Variants in MARK4 observed in about 807,000 individuals in gnomAD.
MARK4 encodes microtubule affinity regulating kinase 4.
MARK4 carries 19 observed loss-of-function variants against 81.5 expected under a neutral mutation model. The ratio of observed to expected loss-of-function variants is 0.23; its 90% confidence interval spans 0.16 to 0.34. The LOEUF is 0.34. MARK4 is among the 10% of genes least tolerant of loss of function. The pLI is 1.00. For missense variants in MARK4, 772 were observed against 1,058.8 expected (o/e 0.73, Z 3.76); for synonymous variants, 436 against 439.0 (o/e 0.99, Z 0.08).
At chr19:45,266,305 C>T in intron 7 of MARK4, 24 bp downstream of exon 7, 1 of 1,612,742 alleles carries the variant, frequency 6.2e-7, no homozygotes, top group Non-Finnish European at 8.5e-7. Flanking sequence ...CCGCTGTGAT[C>T]TCAGGGACCA....
chr19:45,290,285 C>A (rs1388229407), intron 13 of MARK4, among the ~76,000 whole-genome samples: 1 of 152,250 alleles, frequency 6.6e-6, no homozygotes, highest in East Asian at 1.9e-4. Flanking sequence ...AGGGGTGTTT[C>A]TCCAGAGGTC....
rs76754165 is a variant in MARK4, at chr19:45,258,982, C to T, written c.52-7C>T. ...TGGATAGCTCATGCTCCATCTCCCC[C>T]GCCCAGCATGGCACCTTGGGCAGTG... On this transcript the variant is annotated splice_polypyrimidine_tract_variant and splice_region_variant and intron_variant, in intron 1 of 16. Transcript: ENST00000262891. 66 of 1,611,162 alleles carry T rather than the reference C, an allele frequency of 4.1e-5. No individual in the cohort carries two copies. The highest frequency in any genetic ancestry group is 1.0e-4 in the Admixed American group (6 of 59,954).
At chr19:45,273,906 A>G (rs940513848) in intron 8 of MARK4, among the ~76,000 whole-genome samples, 3 of 152,138 alleles carry the variant, frequency 2.0e-5, no homozygotes, top group Non-Finnish European at 4.4e-5. Context: ...CAAATAGCCA[A>G]CCCCTCTAAG....
chr19:45,280,785 G>T, intron 12 of MARK4, 51 bp downstream of exon 12: 2 of 1,601,102 alleles, frequency 1.2e-6, no homozygotes, highest in Non-Finnish European at 1.7e-6. Context: ...CCAAGGCCCA[G>T]ACTTACAGTT....
At chr19:45,284,825 C>G (rs1970721449) in intron 12 of MARK4, among the ~76,000 whole-genome samples, 1 of 151,736 alleles carries the variant, frequency 6.6e-6, no homozygotes. Flanking sequence ...CGCAGTGGCT[C>G]TTGCCTTGTA....
At chr19:45,294,200 T>C in intron 13 of MARK4, 149 bp from the exon 14 acceptor site, 1 of 696,144 alleles carries the variant, frequency 1.4e-6, no homozygotes, top group Admixed American at 2.4e-5. Flanking sequence ...TTTCACATCT[T>C]TGGGACCTTT....
At chr19:45,278,399 A>T (rs1450617204) in intron 9 of MARK4, 117 bp from the exon 10 acceptor site, 2 of 917,370 alleles carry the variant, frequency 2.2e-6, no homozygotes, top group Non-Finnish European at 3.5e-6. Context: ...GCTATCTCTT[A>T]GGAAGCCCGC....
chr19:45,266,892 C>T (rs936265821), intron 7 of MARK4, among the ~76,000 whole-genome samples: 7 of 151,326 alleles, frequency 4.6e-5, no homozygotes, highest in Admixed American at 1.3e-4. Flanking sequence ...GCCACCAAGC[C>T]CGGCTAATTT....
chr19:45,274,682 T>C (rs569753185), intron 8 of MARK4, among the ~76,000 whole-genome samples: 42 of 152,202 alleles, frequency 2.8e-4, no homozygotes, highest in Admixed American at 7.2e-4. Flanking sequence ...ACTCCGGCCA[T>C]AGCTGAAGTC....
At chr19:45,252,854 C>G (rs910454458) in intron 1 of MARK4, among the ~76,000 whole-genome samples, 4 of 152,124 alleles carry the variant, frequency 2.6e-5, no homozygotes, top group African/African-American at 4.8e-5. Flanking sequence ...CCAGGCCCCC[C>G]AGACCCTTCT....
At chr19:45,280,350 CTT>C (rs775960976) in intron 10 of MARK4, 22 bp from the exon 11 acceptor site, 1 of 1,598,674 alleles carries the variant, frequency 6.3e-7, no homozygotes, top group Admixed American at 1.7e-5. Flanking sequence ...GAGTCTGAAA[CTT>C]CTCTCCATCC....
intron 2 of MARK4, among the ~76,000 whole-genome samples, chr19:45,260,643 G>A (rs1162600454): frequency 6.6e-6 from 1 of 152,176 alleles, no homozygotes; most frequent in African/African-American, 2.4e-5. Context: ...GCCGCAGTGA[G>A]CCGAGATTGT....
chr19:45,290,454 C>T (rs1970806364), intron 13 of MARK4, among the ~76,000 whole-genome samples: 1 of 152,254 alleles, frequency 6.6e-6, no homozygotes, highest in Admixed American at 6.5e-5. Context: ...CACCTGTTAC[C>T]AGTGGCAGCC....
rs997856698 is a variant in MARK4 at position 45,297,611 on chromosome 19, T to G, written c.1599-65T>G. 4.1e-6 allele frequency: 4 copies of G among 983,276 alleles called. No individual in the cohort carries two copies. In the South Asian group the frequency reaches 6.6e-5, roughly 16 times the overall value. The allele number at this position is 983,276 out of a possible 1,614,324, so 60.9% of individuals were successfully genotyped here. ...GGTCTCAGGACAGGAATGTGAAGAA[T>G]CAAAGGGACTGGGGCCCTGGCCTGC... On this transcript the variant is annotated intron_variant, in intron 14 of 16. Transcript: ENST00000262891.
At position 45,263,232 on chromosome 19, in the gene MARK4, C is replaced by A. The variant is rs542296675; in HGVS notation, c.306+66C>A. ...CGGCACAGCCGGGTGACCCACCTGA[C>A]CCTTCCTGCGGGGGCCCGGCTGGGG... On this transcript the variant is annotated intron_variant, in intron 3 of 16. Transcript: ENST00000262891. 9 of 1,613,436 alleles carry A rather than the reference C, an allele frequency of 5.6e-6. No individual in the cohort carries two copies. In the Admixed American group the frequency reaches 6.7e-5, roughly 12 times the overall value.
intron 13 of MARK4, among the ~76,000 whole-genome samples, chr19:45,290,790 C>G (rs146992780): frequency 6.6e-6 from 1 of 152,202 alleles, no homozygotes; most frequent in Non-Finnish European, 1.5e-5. Flanking sequence ...GACCCTGCCA[C>G]CACCTGTGAG....
Position 45,304,546 on chromosome 19 carries a change from G to C in MARK4, c.*1836G>C, listed in dbSNP as rs896012563. ...CTGGACTTTCTCCCCATGGCACTGG[G>C]GAACCATGGAAGTTCAGGGAACTTC... On this transcript the variant is annotated 3_prime_UTR_variant, in exon 17 of 17. Coordinates refer to ENST00000262891, the MANE Select transcript of MARK4 (RefSeq NM_001199867.2). 6.6e-6 allele frequency: 1 copy of C among 152,232 alleles called. No individual in the cohort carries two copies. The highest frequency in any genetic ancestry group is 2.4e-5 in the African/African-American group (1 of 41,434). The allele number at this position is 152,232 out of a possible 1,614,324, so 9.4% of individuals were successfully genotyped here.
Position 45,278,576 on chromosome 19 carries a change from A to G in MARK4, c.967A>G (p.Thr323Ala), listed in dbSNP as rs745701249. Reference sequence around the variant, plus strand: ...TGAGGGTGAGGAGTTGAAGCCATACACAGAGCCCGAGGAGGACTTCGGGGA... The same window carrying G: ...TGAGGGTGAGGAGTTGAAGCCATACGCAGAGCCCGAGGAGGACTTCGGGGA... The part of the protein sequence containing the change: ...GYEGEELKPY[T>A]EPEEDFGDTK... Residue 323 changes from threonine to alanine, a missense_variant, in exon 10 of 17, where the codon ACA becomes GCA. Thr to Ala is a moderately conservative substitution (Grantham distance 58). This residue lies in a region of MARK4 where 109 missense variants were observed against 294.7 expected (regional missense o/e 0.37). Transcript: ENST00000262891. The G allele has an allele frequency of 6.2e-7, 1 of 1,614,014 alleles. No individual in the cohort carries two copies. The highest frequency in any genetic ancestry group is 1.7e-5 in the Admixed American group (1 of 59,988).
chr19:45,290,568 C>T (rs1298734721), intron 13 of MARK4, among the ~76,000 whole-genome samples: 3 of 152,184 alleles, frequency 2.0e-5, no homozygotes, highest in Non-Finnish European at 4.4e-5. Context: ...CTTGACTGGC[C>T]GTGACAACCC....
Sources: allele counts gnomAD v4.1 joint callset (sites outside exome capture counted in the v4.1 genomes callset), GRCh38; gene constraint gnomAD v4.1.1; regional missense constraint gnomAD v4.1.1; transcripts MANE v1.5; gene names NCBI Gene and HGNC (gene_info 2026-07-23, HGNC 2026-07-21).